Variants in ALK observed in about 807,000 individuals in gnomAD.
ALK encodes the protein ALK receptor tyrosine kinase.
A neutral mutation model predicts 163.1 loss-of-function variants in ALK; 74 were observed. That is an observed-to-expected ratio of 0.45 (90% CI 0.38 to 0.55). The LOEUF (loss-of-function observed/expected upper bound fraction) is 0.55. Among genes scored for constraint, ALK ranks in the 20% least tolerant of loss-of-function variants. ALK has a pLI of 0.00. For missense variants in ALK, 2,063 were observed against 2,105.3 expected (o/e 0.98, Z 0.39); for synonymous variants, 960 against 843.2 (o/e 1.14, Z -2.40).
intron 9 of ALK, among the ~76,000 whole-genome samples, chr2:29,285,653 C>G (rs951670371): frequency 6.6e-6 from 1 of 151,760 alleles, no homozygotes; most frequent in African/African-American, 2.4e-5. Flanking sequence ...ATCTCCGCCT[C>G]CCAGGTTCAA....
intron 1 of ALK, among the ~76,000 whole-genome samples, chr2:29,902,486 C>G (rs1667441654): frequency 6.6e-6 from 1 of 152,178 alleles, no homozygotes; most frequent in South Asian, 2.1e-4. Flanking sequence ...TTTCATCTTC[C>G]TAAAATGCTA....
chr2:29,456,439 A>T (rs1268872807), intron 4 of ALK, among the ~76,000 whole-genome samples: 1 of 152,228 alleles, frequency 6.6e-6, no homozygotes, highest in Non-Finnish European at 1.5e-5. Flanking sequence ...TTAAGACATG[A>T]GAAGTGAAAT....
chr2:29,397,311 G>C (rs1669334841), intron 4 of ALK, among the ~76,000 whole-genome samples: 1 of 152,134 alleles, frequency 6.6e-6, no homozygotes, highest in Non-Finnish European at 1.5e-5. Flanking sequence ...GCAGGGATTA[G>C]GGTGATGTAT....
At chr2:29,830,342 A>G (rs1411810668) in intron 1 of ALK, among the ~76,000 whole-genome samples, 1 of 152,150 alleles carries the variant, frequency 6.6e-6, no homozygotes, top group Admixed American at 6.5e-5. Flanking sequence ...TCATTGGTCA[A>G]TTTCCAGGAC....
At chr2:29,915,552 C>T (rs1023728705) in intron 1 of ALK, among the ~76,000 whole-genome samples, 1 of 152,176 alleles carries the variant, frequency 6.6e-6, no homozygotes, top group African/African-American at 2.4e-5. Context: ...ATCACACTCT[C>T]CTCCCATGCC....
chr2:29,626,131 ACTGAAGCC>A (rs1676187929), intron 3 of ALK, among the ~76,000 whole-genome samples: 1 of 152,158 alleles, frequency 6.6e-6, no homozygotes, highest in Non-Finnish European at 1.5e-5. Flanking sequence ...AAATTCAAAG[ACTGAAGCC>A]CTATACCCTA....
chr2:29,198,774 ATGGT>A (rs1669086386), intron 26 of ALK, among the ~76,000 whole-genome samples: 1 of 152,168 alleles, frequency 6.6e-6, no homozygotes, highest in South Asian at 2.1e-4. Flanking sequence ...GATAATTCAC[ATGGT>A]TGGATGTTTT....
chr2:29,622,513 C>T (rs1209618535), intron 3 of ALK, among the ~76,000 whole-genome samples: 4 of 152,210 alleles, frequency 2.6e-5, no homozygotes, highest in East Asian at 1.9e-4. Flanking sequence ...CCCTCTGGGT[C>T]CCTCCCACAA....
rs187565579 is a variant in ALK at position 29,530,858 on chromosome 2, T to C, written c.1154+1057A>G. ...AAGAAGATGGATATGAGTTTAGGAA[T>C]GGGGAGAGCATTCTTTTTGATGTCA... On this transcript the variant is annotated intron_variant, in intron 4 of 28. Transcript: ENST00000389048. 2.8e-4 allele frequency among the ~76,000 whole-genome samples: 43 copies of C among 152,346 alleles called. 1 individual carries two copies. Among genetic ancestry groups the C allele is most frequent in the Non-Finnish European group, 5.3e-4 (36 of 68,040 alleles).
intron 4 of ALK, among the ~76,000 whole-genome samples, chr2:29,462,773 A>G (rs940795198): frequency 2.0e-5 from 3 of 152,196 alleles, no homozygotes; most frequent in Admixed American, 2.0e-4. Context: ...TTTTAAAGCA[A>G]TGGCTCCTTT....
chr2:29,296,249 A>G (rs549471283), intron 9 of ALK, among the ~76,000 whole-genome samples: 10 of 152,366 alleles, frequency 6.6e-5, no homozygotes, highest in African/African-American at 2.4e-4. Flanking sequence ...AACTAAGACC[A>G]CAAGTAGAAG....
chr2:29,523,879 T>C lies in ALK; in HGVS notation c.1154+8036A>G, dbSNP rs1233412891. Among the ~76,000 whole-genome samples, 11 of 146,610 alleles carry C rather than the reference T, an allele frequency of 7.5e-5. No homozygotes were observed. In the East Asian group the frequency reaches 1.8e-3, roughly 24 times the overall value. On this transcript the variant is annotated intron_variant, in intron 4 of 28. Transcript: ENST00000389048. ...GAAGGTTTTTTTTTTTTTTTTTTTT[T>C]TTTTTTTTTTTTATGCCCATCAATG...
chr2:29,347,223 C>T lies in ALK; in HGVS notation c.1283-18742G>A, dbSNP rs558618951. Among the ~76,000 whole-genome samples the T allele has an allele frequency of 5.3e-5, 8 of 152,298 alleles. No homozygotes were observed. The South Asian group carries it at 1.7e-3, about 32-fold the overall frequency. Reference sequence around the variant, plus strand: ...TGGTCTCCTGGCTGCCAGTTCAGGGCTTCTCCTAGAACATTCTAAGAGTGG... The same window carrying T: ...TGGTCTCCTGGCTGCCAGTTCAGGGTTTCTCCTAGAACATTCTAAGAGTGG... On this transcript the variant is annotated intron_variant, in intron 5 of 28. Transcript: ENST00000389048.
chr2:29,784,307 C>T (rs939383189), intron 1 of ALK, among the ~76,000 whole-genome samples: 3 of 152,208 alleles, frequency 2.0e-5, no homozygotes, highest in African/African-American at 4.8e-5. Flanking sequence ...ACCTATCATG[C>T]TGCATATACA....
intron 9 of ALK, among the ~76,000 whole-genome samples, chr2:29,282,975 G>C (rs1287867934): frequency 6.6e-6 from 1 of 152,222 alleles, no homozygotes; most frequent in African/African-American, 2.4e-5. Flanking sequence ...TTTCATTCTC[G>C]AAATCTGTGT....
At chr2:29,736,676 C>T (rs1050439374) in intron 1 of ALK, among the ~76,000 whole-genome samples, 17 of 151,856 alleles carry the variant, frequency 1.1e-4, no homozygotes, top group Admixed American at 6.6e-5. Context: ...TATGTAGTGT[C>T]GACTTTTGGC....
chr2:29,814,177 A>G (rs987344419), intron 1 of ALK, among the ~76,000 whole-genome samples: 1 of 152,152 alleles, frequency 6.6e-6, no homozygotes, highest in Non-Finnish European at 1.5e-5. Flanking sequence ...CAGGCATACT[A>G]TTCTGTTTCA....
intron 12 of ALK, among the ~76,000 whole-genome samples, chr2:29,242,835 G>T (rs1178097166): frequency 6.6e-6 from 1 of 152,256 alleles, no homozygotes; most frequent in Non-Finnish European, 1.5e-5. Context: ...AAAGTAGACA[G>T]CAGAGCTTGG....
At chr2:29,418,884 C>T (rs993662284) in intron 4 of ALK, among the ~76,000 whole-genome samples, 24 of 147,208 alleles carry the variant, frequency 1.6e-4, no homozygotes, top group Non-Finnish European at 3.1e-4. Context: ...CACTCATTCA[C>T]TTATATATTC....
Sources: allele counts gnomAD v4.1 joint callset (sites outside exome capture counted in the v4.1 genomes callset), GRCh38; gene constraint gnomAD v4.1.1; transcripts MANE v1.5; gene names NCBI Gene and HGNC (gene_info 2026-07-23, HGNC 2026-07-21).